The following GALNT11 variants were observed in gnomAD, a reference collection of about 807,000 sequenced individuals.
GALNT11 encodes the protein polypeptide N-acetylgalactosaminyltransferase 11, also known as UDP-GalNAc:polypeptide N-acetylgalactosaminyltransferase 11.
A neutral mutation model predicts 72.7 loss-of-function variants in GALNT11; 47 were observed. The ratio of observed to expected loss-of-function variants is 0.65; its 90% CI spans 0.51 to 0.82. The LOEUF (loss-of-function observed/expected upper bound fraction) is 0.82. GALNT11 is among the 40% of genes least tolerant of loss of function. The probability of loss-of-function intolerance (pLI) is 0.00; values close to 1 mark genes in which losing one functional copy is unlikely to be tolerated. For missense variants in GALNT11, 677 were observed against 778.4 expected, an observed-to-expected ratio of 0.87 and a Z score of 1.55; for synonymous variants, 270 against 286.6, an observed-to-expected ratio of 0.94 and a Z score of 0.58.
chr7:152,118,708 G>C lies in GALNT11; in HGVS notation c.1483G>C (p.Val495Leu), dbSNP rs150472136. 976 of 1,610,002 alleles carry C rather than the reference G, an allele frequency of 6.1e-4. No individual in the cohort carries two copies. Among genetic ancestry groups the C allele is most frequent in the Non-Finnish European group, 6.0e-4 (704 of 1,178,348 alleles). Residue 495 changes from valine (V) to leucine (L), a missense_variant, in exon 10 of 12, where the codon GTG becomes CTG. Val to Leu is a conservative substitution (Grantham distance 32). Coordinates refer to ENST00000430044, the MANE Select transcript of GALNT11 (RefSeq NM_022087.4). ...LYHLQTNKCLVAQGRPSQKGG... is the reference protein window; with the variant it reads ...LYHLQTNKCLLAQGRPSQKGG... ...TCACCTCCAGACCAACAAATGCCTG[G>C]TGGCCCAGGGCCGCCCAAGTCAGAA... is the stretch of plus-strand genomic sequence containing the variant.
intron 1 of GALNT11, among the ~76,000 whole-genome samples, chr7:152,055,069 C>T (rs1010810799): frequency 6.6e-6 from 1 of 152,124 alleles, no homozygotes. Context: ...CCAAAGGCAG[C>T]GCGGGGGCAG....
intron 1 of GALNT11, among the ~76,000 whole-genome samples, chr7:152,080,382 T>G (rs2085250095): frequency 6.6e-6 from 1 of 152,164 alleles, no homozygotes; most frequent in Admixed American, 6.5e-5. Context: ...TCTAAGAAAT[T>G]TTTTACCTCA....
chr7:152,114,990 A>G (rs1454746919), intron 8 of GALNT11, among the ~76,000 whole-genome samples: 2 of 152,168 alleles, frequency 1.3e-5, no homozygotes, highest in African/African-American at 2.4e-5. Context: ...TTGTGCTGGA[A>G]TGACAGGGAC....
chr7:152,044,012 AC>A (rs1336921121), intron 1 of GALNT11, among the ~76,000 whole-genome samples: 1 of 152,076 alleles, frequency 6.6e-6, no homozygotes, highest in African/African-American at 2.4e-5. Context: ...TGACCCTTTG[AC>A]CTGGGTTCGA....
intron 5 of GALNT11, among the ~76,000 whole-genome samples, chr7:152,106,095 CTG>C (rs1317367202): frequency 1.3e-5 from 2 of 152,086 alleles, no homozygotes; most frequent in African/African-American, 4.8e-5. Flanking sequence ...TCATTTATGA[CTG>C]TAATTAAAAC....
chr7:152,080,328 C>A (rs2085244544), intron 1 of GALNT11, among the ~76,000 whole-genome samples: 1 of 152,114 alleles, frequency 6.6e-6, no homozygotes, highest in Admixed American at 6.5e-5. Context: ...AGTATTTAAT[C>A]TTTTCCATAG....
At chr7:152,068,986 C>T (rs1374133728) in intron 1 of GALNT11, among the ~76,000 whole-genome samples, 1 of 152,198 alleles carries the variant, frequency 6.6e-6, no homozygotes, top group Admixed American at 6.5e-5. Flanking sequence ...AGTCACCACA[C>T]TTATGAACTA....
intron 1 of GALNT11, among the ~76,000 whole-genome samples, chr7:152,055,576 CATAT>C (rs371042719): frequency 8.4e-6 from 1 of 119,384 alleles, no homozygotes; most frequent in Non-Finnish European, 1.9e-5. Flanking sequence ...TGTATATATA[CATAT>C]ATATATATAC....
chr7:152,121,765 G>A lies in GALNT11; in HGVS notation c.*88G>A. ...TTTAGGAAAGCCTGGGTTGGGTGGA[G>A]CAGAACCATCTTGGAGAAGATGACA... is the stretch of plus-strand genomic sequence containing the variant. On this transcript the variant is annotated 3_prime_UTR_variant, in exon 12 of 12. Transcript: ENST00000430044. 1.3e-6 allele frequency: 2 copies of A among 1,498,936 alleles called. No individual in the cohort carries two copies. The highest frequency in any genetic ancestry group is 1.8e-6 in the Non-Finnish European group (2 of 1,107,552). 92.9% of individuals were successfully genotyped at this position (1,498,936 alleles called of 1,614,324 possible).
At chr7:152,061,160 G>A (rs528546987) in intron 1 of GALNT11, among the ~76,000 whole-genome samples, 6 of 152,154 alleles carry the variant, frequency 3.9e-5, no homozygotes, top group Admixed American at 6.5e-5. Context: ...TTTAATGATC[G>A]CCATTCTAAT....
intron 1 of GALNT11, among the ~76,000 whole-genome samples, chr7:152,030,425 T>C (rs923493772): frequency 6.6e-6 from 1 of 152,190 alleles, no homozygotes; most frequent in Non-Finnish European, 1.5e-5. Context: ...GTGAAGATTA[T>C]TATAATATTG....
chr7:152,067,631 A>G (rs926497275), intron 1 of GALNT11, among the ~76,000 whole-genome samples: 1 of 152,126 alleles, frequency 6.6e-6, no homozygotes, highest in Non-Finnish European at 1.5e-5. Context: ...TGGCACTGCA[A>G]GAGCCATCTT....
rs1250189608 is a variant in GALNT11, at chr7:152,094,260, T to C, written c.33T>C (p.Tyr11=). ...GTGTCACAGTTCGGTATTTCTGTTA[T>C]GGGTGCCTTTTTACATCTGCGACCT... MGSVTVRYFC[Y]GCLFTSATWT... Residue 11 remains tyrosine, a synonymous_variant, in exon 2 of 12, where the codon TAT becomes TAC. Transcript: ENST00000430044. This position sits in a 1 kb window ranked among gnomAD's most constrained non-coding sequence, Gnocchi z 4.3. The C allele has an allele frequency of 6.2e-7, 1 of 1,611,316 alleles. No homozygotes were observed. Among genetic ancestry groups the C allele is most frequent in the Non-Finnish European group, 8.5e-7 (1 of 1,178,348 alleles).
chr7:152,057,644 T>C (rs2152045816), intron 1 of GALNT11, among the ~76,000 whole-genome samples: 1 of 152,294 alleles, frequency 6.6e-6, no homozygotes, highest in South Asian at 2.1e-4. Flanking sequence ...ATAATCTATG[T>C]CCTGACCCCC....
chr7:152,098,429 A>T (rs61554198), intron 2 of GALNT11, among the ~76,000 whole-genome samples: 1,559 of 152,048 alleles, frequency 0.01, 15 homozygotes, highest in African/African-American at 0.027. Context: ...TGTCTCAAAA[A>T]AAATAAATAA....
intron 1 of GALNT11, among the ~76,000 whole-genome samples, chr7:152,066,887 A>G (rs1330890004): frequency 6.6e-6 from 1 of 152,200 alleles, no homozygotes; most frequent in Admixed American, 6.5e-5. Flanking sequence ...AACAAATATC[A>G]TAGTAATAAA....
chr7:152,082,414 C>T (rs919356189), intron 1 of GALNT11, among the ~76,000 whole-genome samples: 8 of 152,104 alleles, frequency 5.3e-5, no homozygotes, highest in East Asian at 1.9e-4. Context: ...GTATTTGTCC[C>T]GATTGGCTAG....
Position 152,121,709 on chromosome 7 carries a change from C to T in GALNT11, c.*32C>T. 1 of 1,602,596 alleles carries T rather than the reference C, an allele frequency of 6.2e-7. No homozygotes were observed. The highest frequency in any genetic ancestry group is 8.5e-7 in the Non-Finnish European group (1 of 1,172,466). Reference sequence around the variant, plus strand: ...TGCTGTGGTGGGAACGTTGCTTCATCAGGCGTTGCCTCCGGTGTGGAGTTT... The same window carrying T: ...TGCTGTGGTGGGAACGTTGCTTCATTAGGCGTTGCCTCCGGTGTGGAGTTT... On this transcript the variant is annotated 3_prime_UTR_variant, in exon 12 of 12. Transcript: ENST00000430044.
chr7:152,047,090 A>G (rs1327140122), intron 1 of GALNT11, among the ~76,000 whole-genome samples: 1 of 152,172 alleles, frequency 6.6e-6, no homozygotes, highest in East Asian at 1.9e-4. Context: ...TAAAAACTAC[A>G]TGTTGGCCAG....
Sources: allele counts gnomAD v4.1 joint callset (sites outside exome capture counted in the v4.1 genomes callset), GRCh38; gene constraint gnomAD v4.1.1; non-coding constraint Gnocchi (gnomAD v3.1); transcripts MANE v1.5; gene names NCBI Gene and HGNC (gene_info 2026-07-23, HGNC 2026-07-21).